The following ARHGEF1 variants were observed in gnomAD, a reference collection of about 807,000 sequenced individuals.
The protein encoded by ARHGEF1 is Rho guanine nucleotide exchange factor 1, also known as 115 kDa guanine nucleotide exchange factor.
Under a neutral mutation model 119.7 loss-of-function variants are expected in ARHGEF1, and 40 were observed. That is an observed-to-expected ratio of 0.33 (90% CI 0.26 to 0.44). The LOEUF (loss-of-function observed/expected upper bound fraction) is 0.44. Ranked by LOEUF, ARHGEF1 falls within the 20% of genes least tolerant of loss-of-function variation. The pLI is 1.00. For missense variants in ARHGEF1, 976 were observed against 1,268.3 expected (o/e 0.77, Z 3.50); for synonymous variants, 494 against 521.0 (o/e 0.95, Z 0.71).
At position 41,906,723 on chromosome 19, in the gene ARHGEF1, C is replaced by T. The variant is rs868929811; in HGVS notation, c.2676C>T (p.Cys892=). Residue 892 remains cysteine, a synonymous_variant, in exon 28 of 29, where the codon TGC becomes TGT. Transcript: ENST00000354532. The surrounding 1 kb of genome is among the most constrained non-coding windows in gnomAD (Gnocchi z 4.5). ...ACCAGGAGTTGGAGGAGGAATTTTG[C>T]CGCCTGAGACCCCTCCTGTCTCAGC... ...KQLEELEEEF[C]RLRPLLSQLG... is the part of the protein sequence containing the mutation. 1 of 1,609,546 alleles carries T rather than the reference C, an allele frequency of 6.2e-7. No homozygotes were observed. The highest frequency in any genetic ancestry group is 8.5e-7 in the Non-Finnish European group (1 of 1,178,254).
At chr19:41,909,011 C>T (rs1285819043), downstream of ARHGEF1, 2 of 1,103,808 alleles carry the variant, frequency 1.8e-6, no homozygotes, top group African/African-American at 1.6e-5. The surrounding 1 kb of genome is among the most constrained non-coding windows in gnomAD (Gnocchi z 5.2). Flanking sequence ...CTCAAGCCTG[C>T]AGCTTCTCCC....
In ARHGEF1 at chr19:41,885,240, C is replaced by A. The variant is rs191212446; in HGVS notation, c.-20+1951C>A. 1.6e-3 allele frequency among the ~76,000 whole-genome samples: 249 copies of A among 152,308 alleles called. 4 individuals carry two copies. Among genetic ancestry groups the A allele is most frequent in the African/African-American group, 5.8e-3 (240 of 41,572 alleles). On this transcript the variant is annotated intron_variant, in intron 1 of 28. Transcript: ENST00000354532. ...CCCCTCCTCCTAAACAGGCGACACT[C>A]CTCGCCTCCATCATCTCCAACCCCC... is the stretch of plus-strand genomic sequence containing the variant.
At position 41,893,279 on chromosome 19, in the gene ARHGEF1, C is replaced by A; in HGVS notation, c.620C>A (p.Thr207Asn). ...LLMHLEEMQHTISTDEEKSAA... is the reference protein window; with the variant it reads ...LLMHLEEMQHNISTDEEKSAA... The stretch of plus-strand genomic sequence containing the variant: ...CATCTCTCTTCCTCCTACAGACATA[C>A]CATCTCTACCGACGAAGAAAAGAGG... The change falls in exon 8 of 29, where the codon ACC becomes AAC. Residue 207 changes from threonine (T) to asparagine (N), a missense_variant. Coordinates refer to ENST00000354532, the MANE Select transcript of ARHGEF1 (RefSeq NM_004706.4). 6.2e-7 allele frequency: 1 copy of A among 1,611,452 alleles called. No individual in the cohort carries two copies. Among genetic ancestry groups the A allele is most frequent in the Non-Finnish European group, 8.5e-7 (1 of 1,179,078 alleles).
At chr19:41,909,014 C>T (rs2074736812), downstream of ARHGEF1, 15 of 1,125,000 alleles carry the variant, frequency 1.3e-5, no homozygotes, top group South Asian at 9.1e-5. This position sits in a 1 kb window ranked among gnomAD's most constrained non-coding sequence, Gnocchi z 5.2. Flanking sequence ...AAGCCTGCAG[C>T]TTCTCCCACT....
chr19:41,906,927 C>T lies in ARHGEF1; in HGVS notation c.*17+124C>T, dbSNP rs2067057049. The T allele has an allele frequency of 3.1e-6, 3 of 953,330 alleles. No homozygotes were observed. Among genetic ancestry groups the T allele is most frequent in the African/African-American group, 1.7e-5 (1 of 59,846 alleles). The allele number at this position is 953,330 out of a possible 1,614,324, so 59.1% of individuals were successfully genotyped here. ...TCTTTTCTGAATCTCCCCACTCCAC[C>T]TCGTGTTTCTCATCTCTGTGTCTCT... On this transcript the variant is annotated intron_variant, in intron 28 of 28. Transcript: ENST00000354532. The surrounding 1 kb of genome is among the most constrained non-coding windows in gnomAD (Gnocchi z 4.5).
chr19:41,910,819 C>A (rs2074747480), downstream of ARHGEF1, among the ~76,000 whole-genome samples: 1 of 152,138 alleles, frequency 6.6e-6, no homozygotes, highest in South Asian at 2.1e-4. The surrounding 1 kb of genome is among the most constrained non-coding windows in gnomAD (Gnocchi z 4.4). Flanking sequence ...CACAGGCACA[C>A]CGGAGTGCCA....
chr19:41,908,709 ACCTG>A (rs1320230576), downstream of ARHGEF1: 7 of 1,153,068 alleles, frequency 6.1e-6, no homozygotes, highest in Non-Finnish European at 7.6e-6. The surrounding 1 kb of genome is among the most constrained non-coding windows in gnomAD (Gnocchi z 6.7). Context: ...AGGCTGGGGC[ACCTG>A]CCTGCCTGGG....
In ARHGEF1 at chr19:41,906,499, A is replaced by G. The variant is rs782293753; in HGVS notation, c.2534A>G (p.Asn845Ser). ...CTTCTGTTTCCGGCGGAGGAAGACA[A>G]TGGGGCGGGGCCTCCTCGAGATGGG... ...KQLLFPAEED[N>S]GAGPPRDGDG... The change falls in exon 27 of 29, where the codon AAT (asparagine) becomes AGT (serine). Residue 845 changes from asparagine to serine, a missense_variant. Around this residue, in one of 3 missense-constraint regions of ARHGEF1, gnomAD observed 171 missense variants for 180.6 expected, o/e 0.95. Coordinates refer to ENST00000354532, the MANE Select transcript of ARHGEF1 (RefSeq NM_004706.4). The surrounding 1 kb of genome is among the most constrained non-coding windows in gnomAD (Gnocchi z 4.5). 17 of 1,579,900 alleles carry G rather than the reference A, an allele frequency of 1.1e-5. No homozygotes were observed. The highest frequency in any genetic ancestry group is 4.5e-5 in the East Asian group (2 of 44,108).
At chr19:41,908,318 G>T (rs1316883021), downstream of ARHGEF1, 2 of 1,231,388 alleles carry the variant, frequency 1.6e-6, no homozygotes, top group African/African-American at 1.6e-5. This position sits in a 1 kb window ranked among gnomAD's most constrained non-coding sequence, Gnocchi z 6.7. Flanking sequence ...AGCCGCTGAC[G>T]TCGGTGATCT....
chr19:41,893,343 A>T, intron 8 of ARHGEF1, 40 bp downstream of exon 8: 1 of 1,451,742 alleles, frequency 6.9e-7, no homozygotes, highest in Non-Finnish European at 9.3e-7. Flanking sequence ...CCTGGGTTTG[A>T]GGGAGGAGGG....
chr19:41,914,648 TTTCCACCATCTCTGTCTCTCCCTCCCC>T (rs1568831959), intron 18 of ARHGEF1, among the ~76,000 whole-genome samples: 4 of 3,476 alleles, frequency 1.2e-3, no homozygotes, highest in Admixed American at 3.6e-3. Context: ...TCTCCCTCCC[TTTCCACCATCTCTGTCTCTCCCTCCCC>T]TTCCACCATC....
chr19:41,897,026 G>A (rs936895893), intron 13 of ARHGEF1: 7 of 400,858 alleles, frequency 1.7e-5, no homozygotes, highest in South Asian at 4.9e-5. Flanking sequence ...ATCCCCCTCC[G>A]ATCTCCCTGC....
At chr19:41,920,352 A>G (rs1437088217), upstream of ARHGEF1, among the ~76,000 whole-genome samples, 3 of 142,874 alleles carry the variant, frequency 2.1e-5, no homozygotes, top group African/African-American at 7.9e-5. Flanking sequence ...ATGCACTCAG[A>G]CGTGACGCAC....
rs782810455 is a variant in ARHGEF1 at position 41,902,002 on chromosome 19, C to T, written c.1383C>T (p.Phe461=). 4 of 1,614,140 alleles carry T rather than the reference C, an allele frequency of 2.5e-6. No individual in the cohort carries two copies. The highest frequency in any genetic ancestry group is 3.3e-5 in the Admixed American group (2 of 60,026). ...CCTTGGAGGAGCTGCAGAACATCTT[C>T]CCCAGCCTGGACGAGCTCATCGAGG... ...FFPLEELQNI[F]PSLDELIEVH... The change falls in exon 15 of 29, where the codon TTC becomes TTT. Residue 461 remains phenylalanine (F), a synonymous_variant. Transcript: ENST00000354532. The surrounding 1 kb of genome is among the most constrained non-coding windows in gnomAD (Gnocchi z 6.5).
intron 14 of ARHGEF1, among the ~76,000 whole-genome samples, chr19:41,899,543 CT>C (rs1372027754): frequency 9.1e-6 from 1 of 109,596 alleles, no homozygotes; most frequent in Non-Finnish European, 1.8e-5. Context: ...GAGTTTTGCT[CT>C]TGTTGCCCAG....
At chr19:41,920,403 C>T (rs1484550953), upstream of ARHGEF1, among the ~76,000 whole-genome samples, 1 of 133,544 alleles carries the variant, frequency 7.5e-6, no homozygotes, top group African/African-American at 3.0e-5. Context: ...CCAGATGTGA[C>T]ACACTCACAG....
At position 41,894,316 on chromosome 19, in the gene ARHGEF1, T is replaced by C; in HGVS notation, c.744+10T>C. 6.5e-7 allele frequency: 1 copy of C among 1,545,118 alleles called. No individual in the cohort carries two copies. Among genetic ancestry groups the C allele is most frequent in the South Asian group, 1.2e-5 (1 of 80,768 alleles). ...CTTCTTCCGGAAAAAGGTGCTTCCC[T>C]CAGTGCCCCGTCCTGACCCTTTCCT... is the stretch of plus-strand genomic sequence containing the variant. On this transcript the variant is annotated intron_variant, in intron 9 of 28. Transcript: ENST00000354532.
In ARHGEF1 at chr19:41,888,427, G is replaced by T. The variant is rs141628650; in HGVS notation, c.111+149G>T. 12 of 762,908 alleles carry T rather than the reference G, an allele frequency of 1.6e-5. No individual in the cohort carries two copies. In the East Asian group the frequency reaches 3.2e-4, roughly 20 times the overall value. 47.3% of individuals were successfully genotyped at this position (762,908 alleles called of 1,614,324 possible). On this transcript the variant is annotated intron_variant, in intron 3 of 28. Transcript: ENST00000354532. The surrounding 1 kb of genome is among the most constrained non-coding windows in gnomAD (Gnocchi z 5.1). ...CTGGTACCTCCTTCCTCACCTCGCC[G>T]ACCCCACACAGCAGCATAGACGCCC...
intron 12 of ARHGEF1, among the ~76,000 whole-genome samples, chr19:41,896,159 C>T (rs2074481667): frequency 6.6e-6 from 1 of 152,152 alleles, no homozygotes. Flanking sequence ...CCAGGACACA[C>T]AGGGGCACCC....
Sources: allele counts gnomAD v4.1 joint callset (sites outside exome capture counted in the v4.1 genomes callset), GRCh38; gene constraint gnomAD v4.1.1; regional missense constraint gnomAD v4.1.1; non-coding constraint Gnocchi (gnomAD v3.1); transcripts MANE v1.5; gene names NCBI Gene and HGNC (gene_info 2026-07-23, HGNC 2026-07-21).